PALLD: variants seen among roughly 807,000 people sequenced by gnomAD.
PALLD encodes the protein palladin, cytoskeletal associated protein.
A neutral mutation model predicts 123.5 loss-of-function variants in PALLD; 61 were observed. That is an observed-to-expected ratio of 0.49 (90% CI 0.40 to 0.61). PALLD has a LOEUF of 0.61. PALLD is among the 20% of genes least tolerant of loss of function. PALLD has a pLI of 0.00. For synonymous variants in PALLD, 465 were observed against 496.4 expected (o/e 0.94, Z 0.84); for missense variants, 1,273 against 1,377.0 (o/e 0.92, Z 1.20).
intron 10 of PALLD, among the ~76,000 whole-genome samples, chr4:168,777,609 A>G (rs1393812581): frequency 3.3e-5 from 5 of 152,236 alleles, no homozygotes; most frequent in African/African-American, 4.8e-5. Context: ...ACTAACAGAT[A>G]AGAACACCAA....
At chr4:168,755,501 G>A (rs1277110129) in intron 10 of PALLD, among the ~76,000 whole-genome samples, 2 of 152,088 alleles carry the variant, frequency 1.3e-5, no homozygotes, top group African/African-American at 4.8e-5. Flanking sequence ...GCATGATGGG[G>A]AAGGGGGATA....
At chr4:168,672,607 T>C (rs984168246) in intron 3 of PALLD, among the ~76,000 whole-genome samples, 22 of 152,012 alleles carry the variant, frequency 1.4e-4, no homozygotes, top group African/African-American at 3.6e-4. Context: ...TACAGGCGCC[T>C]GCCACCACGC....
At chr4:168,595,417 G>A (rs1035878294) in intron 2 of PALLD, among the ~76,000 whole-genome samples, 1 of 151,950 alleles carries the variant, frequency 6.6e-6, no homozygotes, top group Non-Finnish European at 1.5e-5. Context: ...GGGGCCCAGG[G>A]GTCTTCTTTC....
intron 2 of PALLD, among the ~76,000 whole-genome samples, chr4:168,586,532 G>T (rs1770838994): frequency 6.6e-6 from 1 of 152,082 alleles, no homozygotes; most frequent in African/African-American, 2.4e-5. Context: ...TTTAGAACTG[G>T]TAAAACTGAG....
At chr4:168,860,046 G>A (rs1749217157) in intron 10 of PALLD, among the ~76,000 whole-genome samples, 1 of 152,292 alleles carries the variant, frequency 6.6e-6, no homozygotes, top group Admixed American at 6.5e-5. Flanking sequence ...ATAGCTACAT[G>A]TGGCTAATGG....
intron 10 of PALLD, among the ~76,000 whole-genome samples, chr4:168,738,557 A>G (rs1299861580): frequency 1.3e-5 from 2 of 150,316 alleles, no homozygotes; most frequent in South Asian, 2.1e-4. Flanking sequence ...CCGCCTCCCA[A>G]ATAGCTGGGA....
At chr4:168,723,100 G>T (rs149711230) in intron 10 of PALLD, among the ~76,000 whole-genome samples, 1 of 152,162 alleles carries the variant, frequency 6.6e-6, no homozygotes, top group Admixed American at 6.5e-5. Context: ...AGTTAAGGTC[G>T]CAGGAGCAGA....
At chr4:168,773,214 T>G (rs1223546589) in intron 10 of PALLD, among the ~76,000 whole-genome samples, 1 of 152,160 alleles carries the variant, frequency 6.6e-6, no homozygotes, top group Non-Finnish European at 1.5e-5. Flanking sequence ...TGTCTTAAAG[T>G]GAATAACTGT....
Position 168,926,272 on chromosome 4 carries a change from C to T in PALLD, c.*92C>T, listed in dbSNP as rs557967554. On this transcript the variant is annotated 3_prime_UTR_variant, in exon 22 of 22. Transcript: ENST00000505667. ...AAAAAAAGTACGGCCCTCAGCCAGT[C>T]GCTATGCAGCACTTTCGGACCAGGG... 9.8e-6 allele frequency: 15 copies of T among 1,537,058 alleles called. No homozygotes were observed. Among genetic ancestry groups the T allele is most frequent in the South Asian group, 3.6e-5 (3 of 84,026 alleles).
At chr4:168,910,478 A>G (rs1318065579) in intron 15 of PALLD, among the ~76,000 whole-genome samples, 5 of 152,128 alleles carry the variant, frequency 3.3e-5, no homozygotes, top group African/African-American at 1.2e-4. Flanking sequence ...TTACATTCTA[A>G]TACCAAGAAA....
chr4:168,626,294 C>T (rs201815937), intron 2 of PALLD, among the ~76,000 whole-genome samples: 1 of 149,180 alleles, frequency 6.7e-6, no homozygotes, highest in Non-Finnish European at 1.5e-5. Flanking sequence ...CCCAGCTACT[C>T]GGGAGGCTGA....
At chr4:168,769,145 A>G (rs887348864) in intron 10 of PALLD, among the ~76,000 whole-genome samples, 1 of 152,198 alleles carries the variant, frequency 6.6e-6, no homozygotes, top group Non-Finnish European at 1.5e-5. Flanking sequence ...TTGAGTGTGT[A>G]TAGATGACTT....
At chr4:168,650,203 G>T (rs1777898874) in intron 2 of PALLD, among the ~76,000 whole-genome samples, 1 of 152,122 alleles carries the variant, frequency 6.6e-6, no homozygotes, top group South Asian at 2.1e-4. Context: ...AAAAGAAAAA[G>T]AAAAGAGAAA....
chr4:168,807,550 C>T (rs893877064), intron 10 of PALLD, among the ~76,000 whole-genome samples: 3 of 152,078 alleles, frequency 2.0e-5, no homozygotes, highest in Admixed American at 2.0e-4. Flanking sequence ...GCTGAGATTA[C>T]AGGCAAGCGC....
At chr4:168,746,609 C>T (rs563893834) in intron 10 of PALLD, among the ~76,000 whole-genome samples, 1 of 152,052 alleles carries the variant, frequency 6.6e-6, no homozygotes, top group East Asian at 1.9e-4. Context: ...GGTTAACTTA[C>T]GAGTACTGTA....
chr4:168,845,175 C>T (rs1458973443), intron 10 of PALLD, among the ~76,000 whole-genome samples: 1 of 152,144 alleles, frequency 6.6e-6, no homozygotes, highest in East Asian at 1.9e-4. Flanking sequence ...TTGCTTTCCA[C>T]ACCCAAAGTG....
intron 10 of PALLD, among the ~76,000 whole-genome samples, chr4:168,879,617 C>T (rs1469908705): frequency 6.6e-6 from 1 of 152,202 alleles, no homozygotes; most frequent in East Asian, 1.9e-4. Flanking sequence ...TGTCGGGCCT[C>T]GACAAAGGTG....
At chr4:168,925,165 T>C in intron 20 of PALLD, 68 bp from the exon 21 acceptor site, 1 of 1,582,830 alleles carries the variant, frequency 6.3e-7, no homozygotes, top group Non-Finnish European at 8.7e-7. Flanking sequence ...CATTACTCTT[T>C]ATAAACAACT....
chr4:168,534,733 C>T (rs1323655119), intron 2 of PALLD, among the ~76,000 whole-genome samples: 2 of 152,168 alleles, frequency 1.3e-5, no homozygotes, highest in African/African-American at 4.8e-5. Flanking sequence ...CAACCACATA[C>T]ATTGTATCTT....
Sources: gnomAD v4.1 joint callset for allele counts (sites outside exome capture counted in the v4.1 genomes callset) on GRCh38, gnomAD v4.1.1 for gene constraint, MANE v1.5 for transcripts, NCBI Gene and HGNC (gene_info 2026-07-23, HGNC 2026-07-21) for gene names.